Variants in CR1L observed in about 807,000 individuals in gnomAD.
The protein encoded by CR1L is complement component receptor 1-like protein.
Under a neutral mutation model 62.3 loss-of-function variants are expected in CR1L, and 59 were observed. The observed-to-expected ratio is 0.95, with a 90% CI of 0.77 to 1.18. The LOEUF (loss-of-function observed/expected upper bound fraction) is 1.18, where lower values mean the gene tolerates loss of function less well. CR1L is among the 50% of genes most tolerant of loss of function. The pLI is 0.00. For synonymous variants in CR1L, 279 were observed against 248.7 expected (o/e 1.12, Z -1.15); for missense variants, 700 against 702.8 (o/e 1.00, Z 0.04).
intron 1 of CR1L, among the ~76,000 whole-genome samples, chr1:207,665,013 C>A (rs931435832): frequency 2.0e-5 from 3 of 152,172 alleles, no homozygotes; most frequent in Non-Finnish European, 2.9e-5. Context: ...TACTTGTTAT[C>A]TTCTAGGATT....
chr1:207,670,112 C>A (rs1207449326), intron 1 of CR1L, among the ~76,000 whole-genome samples: 1 of 150,938 alleles, frequency 6.6e-6, no homozygotes, highest in East Asian at 1.9e-4. Flanking sequence ...CATTTCTATC[C>A]CCCAACCGTT....
At chr1:207,651,497 T>C (rs1051226899) in intron 1 of CR1L, among the ~76,000 whole-genome samples, 1 of 152,134 alleles carries the variant, frequency 6.6e-6, no homozygotes, top group East Asian at 1.9e-4. Context: ...AAATGCTCCT[T>C]GGAGATCAAA....
At chr1:207,721,288 A>C (rs941718465) in intron 11 of CR1L, among the ~76,000 whole-genome samples, 1 of 151,588 alleles carries the variant, frequency 6.6e-6, no homozygotes, top group African/African-American at 2.4e-5. Context: ...GTGTGCTGCA[A>C]CCACTAACTC....
chr1:207,721,531 T>C (rs1654137527), intron 11 of CR1L, among the ~76,000 whole-genome samples: 1 of 151,070 alleles, frequency 6.6e-6, no homozygotes, highest in African/African-American at 2.4e-5. Flanking sequence ...TCATCATTTT[T>C]TATGGCTGCA....
intron 1 of CR1L, among the ~76,000 whole-genome samples, chr1:207,673,873 A>G (rs946277378): frequency 2.6e-5 from 4 of 152,246 alleles, no homozygotes; most frequent in African/African-American, 7.2e-5. Context: ...ATGAATTTTC[A>G]TAACAGTTTT....
At position 207,686,136 on chromosome 1, in the gene CR1L, CT is replaced by C. The variant is rs1558018817; in HGVS notation, c.463+2181del. Among the ~76,000 whole-genome samples, 23 of 42,764 alleles carry C rather than the reference CT, an allele frequency of 5.4e-4. 1 individual carries two copies. Among genetic ancestry groups the C allele is most frequent in the South Asian group, 1.2e-3 (1 of 814 alleles). 28.1% of individuals were successfully genotyped at this position (42,764 alleles called of 152,430 possible). ...CCTCCCTCCCTCCCTTCCTCCCTCC[CT>C]TCCTTCCTTCCTTCCTTCCTTCCTT... is the stretch of plus-strand genomic sequence containing the variant. On this transcript the variant is annotated intron_variant, in intron 4 of 11. Coordinates refer to ENST00000508064, the MANE Select transcript of CR1L (RefSeq NM_175710.2).
intron 1 of CR1L, among the ~76,000 whole-genome samples, chr1:207,654,474 T>C (rs1253638690): frequency 6.6e-6 from 1 of 152,134 alleles, no homozygotes; most frequent in Non-Finnish European, 1.5e-5. Flanking sequence ...AAATACCAAA[T>C]AATAGAATTA....
At chr1:207,655,214 T>A in intron 1 of CR1L, 1 of 683,996 alleles carries the variant, frequency 1.5e-6, no homozygotes, top group Admixed American at 2.2e-5. Flanking sequence ...GTAAAGAAAT[T>A]CTATATTGTG....
At chr1:207,709,449 T>C (rs1003604844) in intron 10 of CR1L, among the ~76,000 whole-genome samples, 2 of 151,956 alleles carry the variant, frequency 1.3e-5, no homozygotes, top group African/African-American at 4.8e-5. Flanking sequence ...TAATATCCAA[T>C]AGAATAAAGA....
At chr1:207,680,584 G>A (rs1421989265) in intron 3 of CR1L, among the ~76,000 whole-genome samples, 1 of 151,960 alleles carries the variant, frequency 6.6e-6, no homozygotes, top group Non-Finnish European at 1.5e-5. Flanking sequence ...AAGGGCATGG[G>A]CTTCCTACCA....
chr1:207,711,155 C>G (rs2102479556), intron 10 of CR1L, among the ~76,000 whole-genome samples: 1 of 152,296 alleles, frequency 6.6e-6, no homozygotes, highest in African/African-American at 2.4e-5. Context: ...ACAACACTGT[C>G]TTATTTAAGG....
chr1:207,708,987 T>A (rs1664311723), intron 10 of CR1L: 7 of 333,536 alleles, frequency 2.1e-5, no homozygotes, highest in South Asian at 1.7e-4. Flanking sequence ...TAGATCAGTA[T>A]CCAGTTATTT....
intron 3 of CR1L, 109 bp downstream of exon 3, chr1:207,678,406 T>C: frequency 1.0e-6 from 1 of 957,650 alleles, no homozygotes; most frequent in Non-Finnish European, 1.6e-6. Flanking sequence ...TACCATCTGC[T>C]CTTTAAAGGC....
At chr1:207,702,467 C>T (rs1299339830) in intron 9 of CR1L, among the ~76,000 whole-genome samples, 1 of 152,132 alleles carries the variant, frequency 6.6e-6, no homozygotes, top group Non-Finnish European at 1.5e-5. Context: ...TACTTTAAAT[C>T]AAAAGCTGGA....
intron 9 of CR1L, among the ~76,000 whole-genome samples, chr1:207,702,952 G>A (rs79045677): frequency 0.038 from 5,840 of 152,176 alleles, 179 homozygotes; most frequent in South Asian, 0.12. Flanking sequence ...GCGTTGTGGC[G>A]GGTTGCCTGT....
At chr1:207,720,702 T>G (rs1654116635) in intron 11 of CR1L, among the ~76,000 whole-genome samples, 1 of 152,210 alleles carries the variant, frequency 6.6e-6, no homozygotes, top group Non-Finnish European at 1.5e-5. Flanking sequence ...GTCTCAAGAC[T>G]AATTAGCATG....
rs577458118 is a variant in CR1L at position 207,655,230 on chromosome 1, A to G, written c.97+9900A>G. On this transcript the variant is annotated intron_variant, in intron 1 of 11. Coordinates refer to ENST00000508064, the MANE Select transcript of CR1L (RefSeq NM_175710.2). The stretch of plus-strand genomic sequence containing the variant: ...TAAAGAAATTCTATATTGTGAACTT[A>G]AAGGATCAGTAGCAGTTTGGAGCAG... 6.9e-5 allele frequency: 48 copies of G among 696,054 alleles called. No individual in the cohort carries two copies. In the Middle Eastern group the frequency reaches 1.1e-3, roughly 16 times the overall value. 43.1% of individuals were successfully genotyped at this position (696,054 alleles called of 1,614,324 possible). A position where few individuals can be genotyped will look rare whatever the true frequency, so the allele number is the denominator to read the frequency against.
chr1:207,650,139 AC>A (rs1205270686), intron 1 of CR1L, among the ~76,000 whole-genome samples: 1 of 152,030 alleles, frequency 6.6e-6, no homozygotes, highest in African/African-American at 2.4e-5. Flanking sequence ...TAGTTTTGGC[AC>A]CCCAGCTAGA....
At chr1:207,678,667 A>T (rs1663745781) in intron 3 of CR1L, among the ~76,000 whole-genome samples, 1 of 152,242 alleles carries the variant, frequency 6.6e-6, no homozygotes, top group African/African-American at 2.4e-5. Context: ...TAATGGTCAT[A>T]GCACAAATAG....
Sources: gnomAD v4.1 joint callset for allele counts (sites outside exome capture counted in the v4.1 genomes callset) on GRCh38, gnomAD v4.1.1 for gene constraint, MANE v1.5 for transcripts, NCBI Gene and HGNC (gene_info 2026-07-23, HGNC 2026-07-21) for gene names.